The following PCDH15 variants were observed in gnomAD, a reference collection of about 807,000 sequenced individuals.
The protein encoded by PCDH15 is protocadherin related 15.
A neutral mutation model predicts 178.5 loss-of-function variants in PCDH15; 129 were observed. The observed-to-expected ratio is 0.72, with a 90% CI of 0.63 to 0.84. PCDH15 has a LOEUF of 0.84. Ranked by LOEUF, PCDH15 falls within the 40% of genes least tolerant of loss-of-function variation. The pLI, the probability that PCDH15 is intolerant of heterozygous loss-of-function variation, is 0.00. For missense variants in PCDH15, 2,230 were observed against 2,099.9 expected (o/e 1.06, Z -1.21); for synonymous variants, 800 against 732.0 (o/e 1.09, Z -1.50).
Position 53,810,401 on chromosome 10 carries a change from A to G in PCDH15, c.4671+155T>C. On this transcript the variant is annotated intron_variant, in intron 37 of 37. Coordinates refer to ENST00000644397, the MANE Select transcript of PCDH15 (RefSeq NM_001384140.1). ...ATTAATTTTCCTCCAAAGACAAGGC[A>G]ATGAAACGGTCAGCACTGTGAAATT... is the stretch of plus-strand genomic sequence containing the variant. 1.6e-5 allele frequency: 10 copies of G among 610,288 alleles called. No individual in the cohort carries two copies. The South Asian group carries it at 1.7e-4, about 10-fold the overall frequency. The allele number at this position is 610,288 out of a possible 1,614,324, so 37.8% of individuals were successfully genotyped here. A position where few individuals can be genotyped will look rare whatever the true frequency, so the allele number is the denominator to read the frequency against.
At chr10:54,152,974 C>T in intron 14 of PCDH15, 126 bp downstream of exon 14, 5 of 1,155,896 alleles carry the variant, frequency 4.3e-6, no homozygotes, top group Non-Finnish European at 5.0e-6. Flanking sequence ...AGAATCTGGT[C>T]TCTCTGATTT....
chr10:55,177,211 G>A (rs960209137), intron 1 of PCDH15, among the ~76,000 whole-genome samples: 3 of 152,094 alleles, frequency 2.0e-5, no homozygotes, highest in African/African-American at 7.2e-5. Flanking sequence ...GGATTCATGG[G>A]CATTAGAGTA....
chr10:55,587,218 A>C (rs1407179327), intron 2 of PCDH15, among the ~76,000 whole-genome samples: 1 of 152,174 alleles, frequency 6.6e-6, no homozygotes, highest in Non-Finnish European at 1.5e-5. Flanking sequence ...ACATTTTTAT[A>C]ATCACAATAC....
chr10:54,464,624 AAAT>A (rs1166876509), intron 3 of PCDH15, among the ~76,000 whole-genome samples: 7 of 152,212 alleles, frequency 4.6e-5, no homozygotes, highest in Non-Finnish European at 1.0e-4. Flanking sequence ...GGCTCTCATC[AAAT>A]AATAAATAGT....
chr10:54,304,209 A>G (rs2060325123), intron 8 of PCDH15, among the ~76,000 whole-genome samples: 1 of 152,116 alleles, frequency 6.6e-6, no homozygotes, highest in Non-Finnish European at 1.5e-5. Context: ...TTCCCGTTAA[A>G]TTAACACTGG....
At chr10:54,549,378 A>T (rs61853621) in intron 2 of PCDH15, among the ~76,000 whole-genome samples, 4,336 of 152,066 alleles carry the variant, frequency 0.029, 156 homozygotes, top group Admixed American at 0.11. Context: ...GTGGTAATTT[A>T]GCTACAATTG....
intron 22 of PCDH15, among the ~76,000 whole-genome samples, chr10:53,960,371 T>G (rs1015650041): frequency 6.6e-6 from 1 of 152,228 alleles, no homozygotes; most frequent in Non-Finnish European, 1.5e-5. Context: ...GAAATCTTTA[T>G]AGTTTAACAC....
chr10:54,440,242 G>GAA lies in PCDH15; in HGVS notation c.158-61302_158-61301dup, dbSNP rs1412205302. On this transcript the variant is annotated intron_variant, in intron 3 of 37. Transcript: ENST00000644397. ...TCCCAGTAATAAGTAAAAGGAACAT[G>GAA]AAAGCCCTTGTGTTTAATGCTTATG... 7.2e-5 allele frequency among the ~76,000 whole-genome samples: 11 copies of GAA among 152,116 alleles called. No individual in the cohort carries two copies. In the East Asian group the frequency reaches 2.1e-3, roughly 29 times the overall value.
At chr10:55,031,955 A>C (rs1840621927) in intron 2 of PCDH15, among the ~76,000 whole-genome samples, 1 of 152,220 alleles carries the variant, frequency 6.6e-6, no homozygotes, top group South Asian at 2.1e-4. Flanking sequence ...TGTTGTAACA[A>C]ATATCTAAAA....
intron 3 of PCDH15, among the ~76,000 whole-genome samples, chr10:54,398,359 C>T (rs562009581): frequency 6.6e-6 from 1 of 151,994 alleles, no homozygotes; most frequent in Admixed American, 6.6e-5. Context: ...GTTCACACTT[C>T]TGAATCTCAA....
At chr10:54,942,905 T>C (rs1838099489) in intron 2 of PCDH15, among the ~76,000 whole-genome samples, 1 of 152,046 alleles carries the variant, frequency 6.6e-6, no homozygotes, top group Admixed American at 6.6e-5. Flanking sequence ...AAGAGTGTCA[T>C]ACTTTATGGC....
At chr10:55,378,218 G>T (rs1354637786) in intron 2 of PCDH15, among the ~76,000 whole-genome samples, 3 of 152,046 alleles carry the variant, frequency 2.0e-5, no homozygotes, top group Admixed American at 2.0e-4. Flanking sequence ...AATAATAAAA[G>T]ATATTATGAC....
At chr10:53,948,622 A>G (rs1426912722) in intron 23 of PCDH15, among the ~76,000 whole-genome samples, 1 of 152,168 alleles carries the variant, frequency 6.6e-6, no homozygotes, top group Non-Finnish European at 1.5e-5. Flanking sequence ...ATTGGTGATA[A>G]AAATGTGATG....
intron 2 of PCDH15, among the ~76,000 whole-genome samples, chr10:55,081,655 GT>G (rs1842044897): frequency 6.6e-6 from 1 of 152,144 alleles, no homozygotes; most frequent in African/African-American, 2.4e-5. Context: ...CGCTATGTGA[GT>G]TTACAAAGAG....
In PCDH15 at chr10:55,154,657, G is replaced by A. The variant is rs1447494741; in HGVS notation, c.-80+11919C>T. On this transcript the variant is annotated intron_variant, in intron 2 of 5. Transcript: ENST00000458638. ...GCATTCAGGGATTCCCTCATATAGT[G>A]CTATAGACCACTCTGAGGAATATGC... Among the ~76,000 whole-genome samples the A allele has an allele frequency of 2.0e-5, 3 of 152,174 alleles. No individual in the cohort carries two copies. The South Asian group carries it at 6.2e-4, about 32-fold the overall frequency.
chr10:54,861,787 C>T lies in PCDH15; in HGVS notation c.-29+35663G>A, dbSNP rs973561252. Reference sequence around the variant, plus strand: ...TGTTCACTGATTATATGATTTTATACATAAAAACCCTAAAGATTCCTCCAA... The same window carrying T: ...TGTTCACTGATTATATGATTTTATATATAAAAACCCTAAAGATTCCTCCAA... On this transcript the variant is annotated intron_variant, in intron 3 of 5. Transcript: ENST00000458638. Among the ~76,000 whole-genome samples the T allele has an allele frequency of 3.3e-5, 5 of 152,112 alleles. No homozygotes were observed. In the South Asian group the frequency reaches 1.0e-3, roughly 31 times the overall value.
At chr10:54,666,860 T>C (rs16913830) in intron 1 of PCDH15, among the ~76,000 whole-genome samples, 10,289 of 152,098 alleles carry the variant, frequency 0.068, 429 homozygotes, top group South Asian at 0.15. Context: ...TCACAAATTA[T>C]GGCATATTCT....
At chr10:54,871,785 G>A (rs1414725092) in intron 3 of PCDH15, among the ~76,000 whole-genome samples, 4 of 151,912 alleles carry the variant, frequency 2.6e-5, no homozygotes, top group Non-Finnish European at 5.9e-5. Flanking sequence ...AAACAGTTAA[G>A]CCTATCATGA....
intron 4 of PCDH15, among the ~76,000 whole-genome samples, chr10:54,375,799 A>G (rs1948311868): frequency 8.5e-6 from 1 of 117,434 alleles, no homozygotes; most frequent in South Asian, 2.9e-4. Flanking sequence ...GAATATATAT[A>G]TATAATATAT....
Sources: gnomAD v4.1 joint callset for allele counts (sites outside exome capture counted in the v4.1 genomes callset) on GRCh38, gnomAD v4.1.1 for gene constraint, MANE v1.5 for transcripts, NCBI Gene and HGNC (gene_info 2026-07-23, HGNC 2026-07-21) for gene names.